The following BCORL1 variants were observed in gnomAD, a reference collection of about 807,000 sequenced individuals.
BCORL1 encodes BCL-6 corepressor-like protein 1.
A neutral mutation model predicts 87.6 loss-of-function variants in BCORL1; 7 were observed. That is an observed-to-expected ratio of 0.08 (90% CI 0.05 to 0.15). BCORL1 has a LOEUF of 0.15. Ranked by LOEUF, BCORL1 falls within the 10% of genes least tolerant of loss-of-function variation. The pLI is 1.00. For synonymous variants in BCORL1, 591 were observed against 634.4 expected, an observed-to-expected ratio of 0.93 and a Z score of 1.03; for missense variants, 1,215 against 1,499.7, an observed-to-expected ratio of 0.81 and a Z score of 3.13.
At chrX:130,022,102 C>T (rs541367548) in intron 5 of BCORL1, among the ~76,000 whole-genome samples, 1 of 110,806 alleles carries the variant, frequency 9.0e-6, no homozygotes. Flanking sequence ...TGTTCTTAGC[C>T]GTTTTTTCTC....
intron 1 of BCORL1, among the ~76,000 whole-genome samples, chrX:129,991,147 G>A (rs932578219): frequency 8.2e-5 from 9 of 109,984 alleles, no homozygotes; most frequent in African/African-American, 2.3e-4. Flanking sequence ...ATAGAGTTTC[G>A]TTCTTGTTGC....
chrX:130,055,555 C>G (rs1932326817), intron 13 of BCORL1, among the ~76,000 whole-genome samples: 1 of 112,689 alleles, frequency 8.9e-6, no homozygotes, highest in Admixed American at 9.4e-5. Context: ...GTTTTAGGTT[C>G]TAGAATGCCC....
chrX:130,034,237 C>T (rs1180327335), intron 8 of BCORL1, among the ~76,000 whole-genome samples: 7 of 111,972 alleles, frequency 6.3e-5, no homozygotes, highest in Non-Finnish European at 9.4e-5. Context: ...TCATGGGAAC[C>T]TGTGTTGATC....
At position 130,015,932 on chromosome X, in the gene BCORL1, G is replaced by T; in HGVS notation, c.3160G>T (p.Val1054Leu). Residue 1054 changes from valine to leucine, a missense_variant, in exon 4 of 14, where the codon GTG becomes TTG. This residue lies in a region of BCORL1 where 861 missense variants were observed against 1,010.0 expected (regional missense o/e 0.85). Transcript: ENST00000540052. ...VDLGRVKMEK[V>L]DGDVVFNLAT... ...TCTGGGGCGAGTGAAAATGGAGAAG[G>T]TGGATGGTGATGTGGTCTTCAATTT... The T allele has an allele frequency of 8.3e-7, 1 of 1,212,059 alleles. No individual in the cohort carries two copies.
intron 2 of BCORL1, among the ~76,000 whole-genome samples, chrX:130,006,636 G>A (rs1928525381): frequency 9.0e-6 from 1 of 111,338 alleles, no homozygotes; most frequent in Non-Finnish European, 1.9e-5. Flanking sequence ...TGGGATTACA[G>A]GTGTGAGCCA....
At position 130,050,705 on chromosome X, in the gene BCORL1, T is replaced by C; in HGVS notation, c.4841-12T>C. 1.7e-6 allele frequency: 2 copies of C among 1,209,229 alleles called. No individual in the cohort carries two copies. The highest frequency in any genetic ancestry group is 1.7e-5 in the African/African-American group (1 of 57,773). On this transcript the variant is annotated splice_polypyrimidine_tract_variant and intron_variant, in intron 11 of 13. Coordinates refer to ENST00000540052, the MANE Select transcript of BCORL1 (RefSeq NM_001379451.1). Reference sequence around the variant, plus strand: ...AACCTCCTTGTCTCACTGCCTGCTCTTCTTTCATCAGATCACCTCTCGGAT... The same window carrying C: ...AACCTCCTTGTCTCACTGCCTGCTCCTCTTTCATCAGATCACCTCTCGGAT...
At chrX:130,022,719 A>G (rs981561054) in intron 5 of BCORL1, among the ~76,000 whole-genome samples, 178 bp from the exon 6 acceptor site, 2 of 112,526 alleles carry the variant, frequency 1.8e-5, no homozygotes, top group South Asian at 3.6e-4. Context: ...ATTGTCTACA[A>G]GAGACACATA....
At chrX:130,047,193 C>T (rs1254897029) in intron 11 of BCORL1, among the ~76,000 whole-genome samples, 1 of 111,513 alleles carries the variant, frequency 9.0e-6, no homozygotes, top group African/African-American at 3.3e-5. Context: ...GCTGTGAGCA[C>T]GCATGTACAA....
chrX:130,055,152 C>T (rs957617372), intron 13 of BCORL1, among the ~76,000 whole-genome samples: 4 of 111,909 alleles, frequency 3.6e-5, no homozygotes, highest in African/African-American at 9.7e-5. Flanking sequence ...GCGTTTGGCC[C>T]GGGATCGGCC....
intron 4 of BCORL1, 56 bp downstream of exon 4, chrX:130,016,269 G>T: frequency 8.9e-7 from 1 of 1,126,483 alleles, no homozygotes; most frequent in Non-Finnish European, 1.2e-6. Flanking sequence ...TCTACTTCGT[G>T]CCATGGATAG....
chrX:130,023,029 G>A (rs1266024598), intron 6 of BCORL1, 52 bp downstream of exon 6: 2 of 1,064,496 alleles, frequency 1.9e-6, no homozygotes, highest in Non-Finnish European at 2.6e-6. Context: ...TGAAAAGAGA[G>A]ATCGAAATCT....
intron 5 of BCORL1, 128 bp downstream of exon 5, chrX:130,021,278 A>AGAAG: frequency 9.3e-7 from 1 of 1,071,538 alleles, no homozygotes; most frequent in Non-Finnish European, 1.2e-6. Context: ...CACTGTGGAA[A>AGAAG]GAAGATATGA....
intron 4 of BCORL1, among the ~76,000 whole-genome samples, chrX:130,017,811 T>G (rs924748926): frequency 1.8e-5 from 2 of 110,632 alleles, no homozygotes; most frequent in African/African-American, 6.6e-5. Flanking sequence ...TGGCTAATTA[T>G]TTTTTGTAGA....
chrX:130,021,981 T>G (rs150867912), intron 5 of BCORL1, among the ~76,000 whole-genome samples: 147 of 111,382 alleles, frequency 1.3e-3, no homozygotes, highest in African/African-American at 4.7e-3. Flanking sequence ...GAGATGGGGT[T>G]TCACCATGTT....
chrX:129,997,930 G>T lies in BCORL1; in HGVS notation c.-44-7258G>T, dbSNP rs950685663. 3.7e-5 allele frequency among the ~76,000 whole-genome samples: 4 copies of T among 106,963 alleles called. No individual in the cohort carries two copies. The Admixed American group carries it at 4.1e-4, about 11-fold the overall frequency. 92.9% of individuals were successfully genotyped at this position (106,963 alleles called of 115,157 possible). A position where few individuals can be genotyped will look rare whatever the true frequency, so the allele number is the denominator to read the frequency against. On this transcript the variant is annotated intron_variant, in intron 1 of 13. Coordinates refer to ENST00000540052, the MANE Select transcript of BCORL1 (RefSeq NM_001379451.1). The stretch of plus-strand genomic sequence containing the variant: ...CCCACCTGTTGGATTCATTTCCTGG[G>T]ATCTTGGGTAGGCCTTTTACTTCTC...
Position 130,015,175 on chromosome X carries a change from A to G in BCORL1, c.2403A>G (p.Glu801=). ...APGLPGCQTK[E]LSLWKPTGPA... is the part of the protein sequence containing the mutation. ...GGCTGCCAGGGTGCCAAACCAAGGAACTCTCTTTGTGGAAACCCACGGGGC... is the reference window on the plus strand; with the variant it reads ...GGCTGCCAGGGTGCCAAACCAAGGAGCTCTCTTTGTGGAAACCCACGGGGC... The change falls in exon 4 of 14, where the codon GAA becomes GAG. Residue 801 remains glutamate (E), a synonymous_variant. Transcript: ENST00000540052. 2 of 1,211,292 alleles carry G rather than the reference A, an allele frequency of 1.7e-6. No homozygotes were observed. The highest frequency in any genetic ancestry group is 3.0e-5 in the East Asian group (1 of 33,811).
At chrX:130,043,782 A>ATTT (rs1194795876) in intron 11 of BCORL1, among the ~76,000 whole-genome samples, 12 of 20,158 alleles carry the variant, frequency 6.0e-4, no homozygotes, top group African/African-American at 4.2e-3. Flanking sequence ...ATATATATAT[A>ATTT]TATTTTTTTT....
chrX:129,991,440 A>G (rs1222312766), intron 1 of BCORL1, among the ~76,000 whole-genome samples: 2 of 107,887 alleles, frequency 1.9e-5, no homozygotes, highest in South Asian at 4.0e-4. Context: ...TTTTTGAGAC[A>G]GGGTCTGGCT....
In BCORL1 at chrX:130,022,976, T is replaced by C; in HGVS notation, c.3687T>C (p.Ser1229=). The change falls in exon 6 of 14, where the codon TCT becomes TCC. Residue 1229 remains serine, a splice_region_variant and synonymous_variant. Coordinates refer to ENST00000540052, the MANE Select transcript of BCORL1 (RefSeq NM_001379451.1). The part of the protein sequence containing the change: ...VVLSTRTRSQ[S]GSICSSFAGM... ...TGAGCACCCGCACGCGCAGTCAGTC[T>C]GGTGAGTGAGACTAAGGTGATGGCC... 2 of 1,200,247 alleles carry C rather than the reference T, an allele frequency of 1.7e-6. No individual in the cohort carries two copies. The highest frequency in any genetic ancestry group is 2.3e-4 in the Middle Eastern group (1 of 4,337).
Sources: gnomAD v4.1 joint callset for allele counts (sites outside exome capture counted in the v4.1 genomes callset) on GRCh38, gnomAD v4.1.1 for gene constraint, gnomAD v4.1.1 regional missense constraint, MANE v1.5 for transcripts, NCBI Gene and HGNC (gene_info 2026-07-23, HGNC 2026-07-21) for gene names.